CCDC85A: variants seen among roughly 807,000 people sequenced by gnomAD.
CCDC85A encodes the protein coiled-coil domain-containing protein 85A.
A neutral mutation model predicts 50.2 loss-of-function variants in CCDC85A; 38 were observed. The ratio of observed to expected loss-of-function variants is 0.76; its 90% CI spans 0.58 to 0.99. The LOEUF (loss-of-function observed/expected upper bound fraction) is 0.99, where lower values mean the gene tolerates loss of function less well. CCDC85A is among the 50% of genes least tolerant of loss of function. CCDC85A has a pLI of 0.00. For missense variants in CCDC85A, 820 were observed against 742.0 expected, an observed-to-expected ratio of 1.11 and a Z score of -1.22; for synonymous variants, 366 against 301.4, an observed-to-expected ratio of 1.21 and a Z score of -2.22.
intron 2 of CCDC85A, among the ~76,000 whole-genome samples, chr2:56,272,229 A>C (rs532273605): frequency 6.6e-6 from 1 of 152,216 alleles, no homozygotes; most frequent in East Asian, 1.9e-4. Context: ...AGATGTTAAT[A>C]AAGTTTAACA....
rs571825541 is a variant in CCDC85A at position 56,324,464 on chromosome 2, C to G, written c.1241-18415C>G. On this transcript the variant is annotated intron_variant, in intron 2 of 5. Transcript: ENST00000407595. ...TTAAAGAAATACAAGCAGAGACACT[C>G]CTCTGGCCAGTCTCCCTCCACCTAG... 6.1e-3 allele frequency among the ~76,000 whole-genome samples: 922 copies of G among 151,484 alleles called. 8 individuals carry two copies. The highest frequency in any genetic ancestry group is 0.022 in the African/African-American group (886 of 41,182).
intron 2 of CCDC85A, among the ~76,000 whole-genome samples, chr2:56,269,653 T>C (rs1670612712): frequency 6.6e-6 from 1 of 152,164 alleles, no homozygotes; most frequent in African/African-American, 2.4e-5. Flanking sequence ...CATTCAGTTG[T>C]CGTAAGTCAA....
chr2:56,373,861 A>G (rs1676203401), intron 4 of CCDC85A, among the ~76,000 whole-genome samples: 1 of 152,158 alleles, frequency 6.6e-6, no homozygotes, highest in African/African-American at 2.4e-5. Context: ...GTTACTCAGG[A>G]AAGAGGAGCT....
intron 2 of CCDC85A, among the ~76,000 whole-genome samples, chr2:56,229,870 G>T (rs1668705536): frequency 6.6e-6 from 1 of 152,090 alleles, no homozygotes; most frequent in South Asian, 2.1e-4. Flanking sequence ...TTTCACCAGG[G>T]AATTAATATG....
At chr2:56,256,254 C>T (rs1669980767) in intron 2 of CCDC85A, among the ~76,000 whole-genome samples, 1 of 152,140 alleles carries the variant, frequency 6.6e-6, no homozygotes. Flanking sequence ...TATATTATTT[C>T]TATGGGAATA....
chr2:56,255,752 T>G (rs1669956827), intron 2 of CCDC85A, among the ~76,000 whole-genome samples: 1 of 152,000 alleles, frequency 6.6e-6, no homozygotes, highest in South Asian at 2.1e-4. Context: ...GGTTGGGGTT[T>G]TTGTTGTTGT....
chr2:56,192,369 A>G lies in CCDC85A; in HGVS notation c.277-108A>G, dbSNP rs1676334714. ...CTCCTACTCCCTCACCTCCTCCCCT[A>G]ACCTCACAGGTAATTCACCAGTTAC... On this transcript the variant is annotated intron_variant, in intron 1 of 5. Coordinates refer to ENST00000407595, the MANE Select transcript of CCDC85A (RefSeq NM_001080433.2). The surrounding 1 kb of genome is among the most constrained non-coding windows in gnomAD (Gnocchi z 4.7). 1.3e-6 allele frequency: 2 copies of G among 1,484,418 alleles called. No individual in the cohort carries two copies. Among genetic ancestry groups the G allele is most frequent in the Admixed American group, 2.3e-5 (1 of 44,088 alleles). 92.0% of individuals were successfully genotyped at this position (1,484,418 alleles called of 1,614,324 possible). A position where few individuals can be genotyped will look rare whatever the true frequency, so the allele number is the denominator to read the frequency against.
Position 56,335,604 on chromosome 2 carries a change from C to CT in CCDC85A, c.1241-7260dup, listed in dbSNP as rs35400454. ...GACAGCAAGAGGGGGCCAAACTCATCTTTTTTTTTTTTTTTGAGAAGTAGT... is the reference window on the plus strand; with the variant it reads ...GACAGCAAGAGGGGGCCAAACTCATCTTTTTTTTTTTTTTTTGAGAAGTAGT... On this transcript the variant is annotated intron_variant, in intron 2 of 5. Transcript: ENST00000407595. Among the ~76,000 whole-genome samples, 927 of 143,828 alleles carry CT rather than the reference C, an allele frequency of 6.4e-3. 4 individuals carry two copies. Among genetic ancestry groups the CT allele is most frequent in the African/African-American group, 0.016 (628 of 39,546 alleles). The allele number at this position is 143,828 out of a possible 152,430, so 94.4% of individuals were successfully genotyped here.
chr2:56,310,067 C>CT (rs1434845075), intron 2 of CCDC85A, among the ~76,000 whole-genome samples: 7 of 152,136 alleles, frequency 4.6e-5, no homozygotes, highest in African/African-American at 1.7e-4. Context: ...AACTAAAGAC[C>CT]TAAATAAATT....
At chr2:56,187,355 T>A (rs1035375239) in intron 1 of CCDC85A, among the ~76,000 whole-genome samples, 25 of 152,138 alleles carry the variant, frequency 1.6e-4, no homozygotes, top group Non-Finnish European at 1.6e-4. Context: ...CTACCAGGTG[T>A]TATTGTAGCT....
At position 56,331,562 on chromosome 2, in the gene CCDC85A, G is replaced by C. The variant is rs375896387; in HGVS notation, c.1241-11317G>C. Among the ~76,000 whole-genome samples, 26 of 152,158 alleles carry C rather than the reference G, an allele frequency of 1.7e-4. No individual in the cohort carries two copies. In the South Asian group the frequency reaches 5.4e-3, roughly 32 times the overall value. On this transcript the variant is annotated intron_variant, in intron 2 of 5. Transcript: ENST00000407595. ...AAAAACCCAAAAAACTATTTGCTTT[G>C]GGAAGATTGGGGGGTTGAACACGTT...
At chr2:56,292,640 A>G (rs1671767736) in intron 2 of CCDC85A, among the ~76,000 whole-genome samples, 1 of 152,206 alleles carries the variant, frequency 6.6e-6, no homozygotes. Context: ...GGCAATAAAT[A>G]AATACATAAG....
chr2:56,278,613 G>A (rs1385225992), intron 2 of CCDC85A, among the ~76,000 whole-genome samples: 1 of 151,974 alleles, frequency 6.6e-6, no homozygotes, highest in Non-Finnish European at 1.5e-5. Context: ...TCTCTCTGTT[G>A]CCCAGGCTGG....
chr2:56,292,705 T>C (rs1671771635), intron 2 of CCDC85A, among the ~76,000 whole-genome samples: 1 of 152,206 alleles, frequency 6.6e-6, no homozygotes, highest in Non-Finnish European at 1.5e-5. Flanking sequence ...ATGAGACCCC[T>C]GGATATATCA....
At chr2:56,340,523 G>C (rs1294914337) in intron 2 of CCDC85A, among the ~76,000 whole-genome samples, 1 of 152,116 alleles carries the variant, frequency 6.6e-6, no homozygotes, top group East Asian at 1.9e-4. Flanking sequence ...CGACTGAGGG[G>C]CATAAAGCAG....
At chr2:56,287,604 T>C (rs1023984790) in intron 2 of CCDC85A, among the ~76,000 whole-genome samples, 1 of 152,190 alleles carries the variant, frequency 6.6e-6, no homozygotes, top group Admixed American at 6.5e-5. Flanking sequence ...GGAATGCATA[T>C]TAGAGTTGTA....
intron 2 of CCDC85A, among the ~76,000 whole-genome samples, chr2:56,217,256 T>C (rs1573040157): frequency 6.6e-6 from 1 of 151,938 alleles, no homozygotes; most frequent in African/African-American, 2.4e-5. Context: ...TCCCCAGATA[T>C]ACACCTCTTC....
At chr2:56,285,880 T>C (rs867574182) in intron 2 of CCDC85A, among the ~76,000 whole-genome samples, 10 of 152,220 alleles carry the variant, frequency 6.6e-5, no homozygotes, top group Non-Finnish European at 1.2e-4. Flanking sequence ...CTGAAGAAAT[T>C]TCTTTTTGTA....
In CCDC85A at chr2:56,193,392, CAGG is replaced by C. The variant is rs1364657633; in HGVS notation, c.1197_1199del (p.Glu399del). On this transcript the variant is annotated inframe_deletion, in exon 2 of 6. Coordinates refer to ENST00000407595, the MANE Select transcript of CCDC85A (RefSeq NM_001080433.2). Reference sequence around the variant, plus strand: ...GGAGGGCACCCTCAGACGGCAGGCACAGGAGGACGGGTCACCCCATCACCGGAA... The same window carrying C: ...GGAGGGCACCCTCAGACGGCAGGCACAGGACGGGTCACCCCATCACCGGAA... The C allele has an allele frequency of 1.2e-6, 2 of 1,611,112 alleles. No homozygotes were observed. The highest frequency in any genetic ancestry group is 1.7e-6 in the Non-Finnish European group (2 of 1,178,642).
Sources: allele counts gnomAD v4.1 joint callset (sites outside exome capture counted in the v4.1 genomes callset), GRCh38; gene constraint gnomAD v4.1.1; non-coding constraint Gnocchi (gnomAD v3.1); transcripts MANE v1.5; gene names NCBI Gene and HGNC (gene_info 2026-07-23, HGNC 2026-07-21).